Variants in SLC71A2 observed in about 807,000 individuals in gnomAD.
The protein encoded by SLC71A2 is solute carrier family 71 member 2.
At chr9:94,450,799 G>C in the SLC71A2 span, among the ~76,000 whole-genome samples, 2 of 152,020 alleles carry the variant, frequency 1.3e-5, no homozygotes, top group Admixed American at 6.6e-5. Flanking sequence ...CCAAAATAAC[G>C]TAACTTTTAA....
the SLC71A2 span, among the ~76,000 whole-genome samples, chr9:94,392,571 G>A: frequency 6.6e-6 from 1 of 152,022 alleles, no homozygotes; most frequent in Non-Finnish European, 1.5e-5. Flanking sequence ...TGTGATCTCG[G>A]CTTACTGCAA....
chr9:94,451,380 A>C, the SLC71A2 span: 1 of 721,696 alleles, frequency 1.4e-6, no homozygotes, highest in East Asian at 3.3e-5. Flanking sequence ...TAGACTTATC[A>C]TTGTAATAGA....
At chr9:94,448,715 C>T in the SLC71A2 span, among the ~76,000 whole-genome samples, 5 of 152,318 alleles carry the variant, frequency 3.3e-5, no homozygotes, top group African/African-American at 1.2e-4. Context: ...TCGCTGCAGC[C>T]TCTGTCTCCT....
the SLC71A2 span, chr9:94,438,492 C>G: frequency 6.2e-7 from 1 of 1,613,718 alleles, no homozygotes; most frequent in Non-Finnish European, 8.5e-7. Context: ...GTATTCTTTA[C>G]CTGCTTCCCA....
chr9:94,404,424 T>G, the SLC71A2 span, among the ~76,000 whole-genome samples: 1 of 151,932 alleles, frequency 6.6e-6, no homozygotes, highest in African/African-American at 2.4e-5. Context: ...GCCCCCAGAG[T>G]AGCTAGGAAC....
the SLC71A2 span, among the ~76,000 whole-genome samples, chr9:94,378,375 T>C: frequency 6.6e-6 from 1 of 152,036 alleles, no homozygotes; most frequent in Admixed American, 6.6e-5. Context: ...AGGCTCCTTT[T>C]AGCAATGAGA....
the SLC71A2 span, among the ~76,000 whole-genome samples, chr9:94,403,560 T>C: frequency 6.6e-6 from 1 of 152,096 alleles, no homozygotes; most frequent in Non-Finnish European, 1.5e-5. Flanking sequence ...CATATTTTGT[T>C]TAAACATTCA....
At chr9:94,421,518 A>C in the SLC71A2 span, among the ~76,000 whole-genome samples, 21 of 152,322 alleles carry the variant, frequency 1.4e-4, no homozygotes, top group African/African-American at 5.1e-4. Flanking sequence ...TGTATGTAGC[A>C]ACATTTCATT....
the SLC71A2 span, among the ~76,000 whole-genome samples, chr9:94,407,276 G>A: frequency 4.0e-5 from 6 of 151,660 alleles, no homozygotes; most frequent in African/African-American, 1.5e-4. Flanking sequence ...TGGTTATGGT[G>A]TATAACCATA....
the SLC71A2 span, among the ~76,000 whole-genome samples, chr9:94,431,516 C>CTT: frequency 1.8e-3 from 260 of 146,570 alleles, 1 homozygote; most frequent in Middle Eastern, 7.0e-3. Flanking sequence ...CATTTGGGTA[C>CTT]TTTTTTTTTT....
chr9:94,433,612 A>G, the SLC71A2 span, among the ~76,000 whole-genome samples: 520 of 146,374 alleles, frequency 3.6e-3, 2 homozygotes, highest in African/African-American at 0.013. Context: ...AACACAACCT[A>G]GACACGATTT....
chr9:94,446,880 C>G, the SLC71A2 span: 1 of 1,612,952 alleles, frequency 6.2e-7, no homozygotes, highest in East Asian at 2.2e-5. Context: ...CACCGTGTTT[C>G]TTTCATACCT....
the SLC71A2 span, among the ~76,000 whole-genome samples, chr9:94,409,946 G>T: frequency 7.3e-6 from 1 of 136,850 alleles, no homozygotes; most frequent in African/African-American, 2.8e-5. Context: ...TTAGTGTTCA[G>T]TGTTACTGAA....
the SLC71A2 span, among the ~76,000 whole-genome samples, chr9:94,450,359 T>C: frequency 6.6e-6 from 1 of 152,196 alleles, no homozygotes; most frequent in African/African-American, 2.4e-5. Flanking sequence ...GTTCTAGCCC[T>C]AGGACTTTTC....
the SLC71A2 span, among the ~76,000 whole-genome samples, chr9:94,443,791 G>T: frequency 6.6e-6 from 1 of 152,084 alleles, no homozygotes; most frequent in Admixed American, 6.6e-5. Flanking sequence ...TTTGCTTGTC[G>T]TTGCAGTTTA....
At chr9:94,378,157 G>C in the SLC71A2 span, among the ~76,000 whole-genome samples, 6 of 151,404 alleles carry the variant, frequency 4.0e-5, no homozygotes, top group Admixed American at 1.3e-4. Flanking sequence ...TATGTTAGCT[G>C]TTTGCGTTGC....
the SLC71A2 span, among the ~76,000 whole-genome samples, chr9:94,444,748 T>TA: frequency 6.6e-6 from 1 of 152,252 alleles, no homozygotes; most frequent in Non-Finnish European, 1.5e-5. Flanking sequence ...CTTAAATCAC[T>TA]TTAATTCTCT....
At chr9:94,414,416 A>G in the SLC71A2 span, among the ~76,000 whole-genome samples, 2 of 152,198 alleles carry the variant, frequency 1.3e-5, no homozygotes, top group Non-Finnish European at 2.9e-5. Flanking sequence ...ATATCTCAAG[A>G]TATTCCATAC....
the SLC71A2 span, chr9:94,438,460 G>A: frequency 3.1e-6 from 5 of 1,613,924 alleles, no homozygotes; most frequent in South Asian, 3.3e-5. Context: ...TGTGGGGGAG[G>A]AAGCCCTTTC....
Sources: allele counts gnomAD v4.1 joint callset (sites outside exome capture counted in the v4.1 genomes callset), GRCh38; gene constraint gnomAD v4.1.1; transcripts MANE v1.5; gene names NCBI Gene and HGNC (gene_info 2026-07-23, HGNC 2026-07-21).